The following CRYBG1 variants were observed in gnomAD, a reference collection of about 807,000 sequenced individuals.
CRYBG1 encodes the protein crystallin beta-gamma domain containing 1.
A neutral mutation model predicts 189.2 loss-of-function variants in CRYBG1; 139 were observed. That is an observed-to-expected ratio of 0.73 (90% confidence interval 0.64 to 0.85). The LOEUF (loss-of-function observed/expected upper bound fraction) is 0.85, where lower values mean the gene tolerates loss of function less well. Among genes scored for constraint, CRYBG1 ranks in the 40% least tolerant of loss-of-function variants. CRYBG1 has a pLI of 0.00. For synonymous variants in CRYBG1, 1,023 were observed against 1,017.1 expected, an observed-to-expected ratio of 1.01 and a Z score of -0.11; for missense variants, 2,611 against 2,675.8, an observed-to-expected ratio of 0.98 and a Z score of 0.53.
rs751206462 is a variant in CRYBG1 at position 106,566,954 on chromosome 6, C to T, written c.6302-1518C>T. Among the ~76,000 whole-genome samples, 12 of 152,220 alleles carry T rather than the reference C, an allele frequency of 7.9e-5. No individual in the cohort carries two copies. The South Asian group carries it at 1.5e-3, about 18-fold the overall frequency. On this transcript the variant is annotated intron_variant, in intron 21 of 21. Transcript: ENST00000633556. ...TTCATGTATTATTCCAGACCACATA[C>T]CTTGTAACAACAGTGGAAGCTGATT...
intron 2 of CRYBG1, among the ~76,000 whole-genome samples, chr6:106,508,192 G>C (rs569219361): frequency 6.6e-6 from 1 of 152,316 alleles, no homozygotes; most frequent in African/African-American, 2.4e-5. Context: ...GCAGTGAGCT[G>C]TGATCGTGCC....
intron 2 of CRYBG1, among the ~76,000 whole-genome samples, chr6:106,485,455 C>T (rs890793884): frequency 1.3e-5 from 2 of 152,142 alleles, no homozygotes; most frequent in Non-Finnish European, 2.9e-5. Context: ...TAAACAAAGA[C>T]AATTTAGCTT....
chr6:106,371,044 T>C (rs1433088905), intron 1 of CRYBG1, among the ~76,000 whole-genome samples: 1 of 152,202 alleles, frequency 6.6e-6, no homozygotes, highest in African/African-American at 2.4e-5. Flanking sequence ...ATTCATGATT[T>C]TTTAAAAAGC....
At chr6:106,541,828 A>G (rs1379712918) in intron 10 of CRYBG1, among the ~76,000 whole-genome samples, 5 of 152,168 alleles carry the variant, frequency 3.3e-5, no homozygotes, top group African/African-American at 9.7e-5. Flanking sequence ...AGATGATGCT[A>G]ATGGCACTGG....
At chr6:106,496,830 G>A (rs17067110) in intron 2 of CRYBG1, among the ~76,000 whole-genome samples, 6,932 of 152,166 alleles carry the variant, frequency 0.046, 442 homozygotes, top group East Asian at 0.21. Flanking sequence ...CTAGTGAGAC[G>A]ACATTTTAAT....
chr6:106,366,631 T>A (rs1452904283), intron 1 of CRYBG1, among the ~76,000 whole-genome samples: 2 of 152,174 alleles, frequency 1.3e-5, no homozygotes, highest in East Asian at 3.9e-4. Flanking sequence ...CCTCTGCCAT[T>A]GGGATAGATT....
At chr6:106,383,948 C>A (rs1384649454) in intron 1 of CRYBG1, among the ~76,000 whole-genome samples, 1 of 152,086 alleles carries the variant, frequency 6.6e-6, no homozygotes, top group African/African-American at 2.4e-5. Flanking sequence ...CAGCTTTGCA[C>A]AGAGAGAAAA....
At chr6:106,469,702 TC>T (rs1772190669) in intron 2 of CRYBG1, among the ~76,000 whole-genome samples, 1 of 152,184 alleles carries the variant, frequency 6.6e-6, no homozygotes, top group South Asian at 2.1e-4. Flanking sequence ...GGCAGTCAAG[TC>T]CAAAACCTGT....
chr6:106,451,895 T>C (rs1351160267), intron 2 of CRYBG1, 63 bp downstream of exon 2: 5 of 1,396,012 alleles, frequency 3.6e-6, no homozygotes, highest in Admixed American at 2.6e-5. Context: ...TAAAGCACTG[T>C]AAGATAGCCT....
chr6:106,538,728 T>TAA (rs892105530), intron 8 of CRYBG1, among the ~76,000 whole-genome samples: 1 of 147,570 alleles, frequency 6.8e-6, no homozygotes, highest in South Asian at 2.2e-4. Flanking sequence ...CCCCCTCTAC[T>TAA]AAAAAAAAAA....
intron 2 of CRYBG1, among the ~76,000 whole-genome samples, chr6:106,483,621 T>G (rs563797625): frequency 2.0e-5 from 3 of 152,102 alleles, no homozygotes; most frequent in South Asian, 2.1e-4. Flanking sequence ...TGTACTAATT[T>G]ATAATCCCAT....
rs148706860 is a variant in CRYBG1, at chr6:106,460,380, G to A, written c.312+8548G>A. Among the ~76,000 whole-genome samples the A allele has an allele frequency of 2.7e-3, 414 of 152,258 alleles. 1 individual carries two copies. The highest frequency in any genetic ancestry group is 9.5e-3 in the African/African-American group (395 of 41,544). ...TATTCTTTGCTCATTTTTGTATTGC[G>A]TTGTTTACCTTGCTGAAGATATTGT... On this transcript the variant is annotated intron_variant, in intron 2 of 21. Coordinates refer to ENST00000633556, the MANE Select transcript of CRYBG1 (RefSeq NM_001371242.2).
At chr6:106,470,354 C>T (rs1772207143) in intron 2 of CRYBG1, among the ~76,000 whole-genome samples, 1 of 152,032 alleles carries the variant, frequency 6.6e-6, no homozygotes. Flanking sequence ...AACCCTCAGC[C>T]TACCATTCCT....
At chr6:106,547,856 G>A (rs1209574904) in intron 13 of CRYBG1, among the ~76,000 whole-genome samples, 1 of 152,052 alleles carries the variant, frequency 6.6e-6, no homozygotes, top group Non-Finnish European at 1.5e-5. Context: ...GATTCTTACT[G>A]GAAATGTCGA....
intron 1 of CRYBG1, among the ~76,000 whole-genome samples, chr6:106,392,294 A>G (rs1770522553): frequency 6.6e-6 from 1 of 152,164 alleles, no homozygotes; most frequent in Non-Finnish European, 1.5e-5. Flanking sequence ...TGAGAGAGGA[A>G]AGCTACCCCA....
chr6:106,500,033 T>C (rs934582528), intron 2 of CRYBG1, among the ~76,000 whole-genome samples: 5 of 152,232 alleles, frequency 3.3e-5, no homozygotes, highest in African/African-American at 7.2e-5. Flanking sequence ...TAGTCCACTG[T>C]GCATATATAC....
chr6:106,431,452 A>G (rs1278580895), intron 1 of CRYBG1, among the ~76,000 whole-genome samples: 3 of 152,196 alleles, frequency 2.0e-5, no homozygotes, highest in East Asian at 3.8e-4. Flanking sequence ...GCATCACGCG[A>G]TATACCTTTG....
chr6:106,478,676 T>A (rs567156432), intron 2 of CRYBG1, among the ~76,000 whole-genome samples: 1 of 152,292 alleles, frequency 6.6e-6, no homozygotes, highest in African/African-American at 2.4e-5. Context: ...CCATGACCTG[T>A]TAGGAACTGG....
At chr6:106,525,011 GA>G (rs1773701337) in intron 4 of CRYBG1, 121 bp from the exon 5 acceptor site, 1 of 930,828 alleles carries the variant, frequency 1.1e-6, no homozygotes, top group Non-Finnish European at 1.7e-6. Flanking sequence ...CATTAGAGTG[GA>G]GGTTTCAAAA....
Sources: gnomAD v4.1 joint callset for allele counts (sites outside exome capture counted in the v4.1 genomes callset) on GRCh38, gnomAD v4.1.1 for gene constraint, MANE v1.5 for transcripts, NCBI Gene and HGNC (gene_info 2026-07-23, HGNC 2026-07-21) for gene names.